Variants in VPS13B observed in about 807,000 individuals in gnomAD.
The protein encoded by VPS13B is intermembrane lipid transfer protein VPS13B.
VPS13B carries 285 observed loss-of-function variants against 426.4 expected under a neutral mutation model. The observed-to-expected ratio is 0.67, with a 90% CI of 0.61 to 0.74. The LOEUF (loss-of-function observed/expected upper bound fraction) is 0.74, where lower values mean the gene tolerates loss of function less well. VPS13B is among the 30% of genes least tolerant of loss of function. The probability of loss-of-function intolerance (pLI) is 0.00; values close to 1 mark genes in which losing one functional copy is unlikely to be tolerated. For synonymous variants in VPS13B, 1,676 were observed against 1,676.4 expected (o/e 1.00, Z 0.01); for missense variants, 4,537 against 4,782.6 (o/e 0.95, Z 1.51).
intron 39 of VPS13B, among the ~76,000 whole-genome samples, chr8:99,751,425 T>C (rs1485621890): frequency 1.3e-5 from 2 of 152,162 alleles, no homozygotes; most frequent in Admixed American, 6.6e-5. Flanking sequence ...AAGTATGGAA[T>C]GAGTACATTG....
At chr8:99,561,999 A>G (rs1050551687) in intron 31 of VPS13B, among the ~76,000 whole-genome samples, 2 of 152,144 alleles carry the variant, frequency 1.3e-5, no homozygotes, top group African/African-American at 4.8e-5. Flanking sequence ...ACTCTTTTCA[A>G]CCATAAAATG....
At chr8:99,378,756 T>G (rs1407763192) in intron 19 of VPS13B, among the ~76,000 whole-genome samples, 1 of 152,226 alleles carries the variant, frequency 6.6e-6, no homozygotes, top group Non-Finnish European at 1.5e-5. Flanking sequence ...TTTTGTTCAT[T>G]AATATTTTTG....
At position 99,819,601 on chromosome 8, in the gene VPS13B, C is replaced by CT. The variant is rs1408498101; in HGVS notation, c.8792+24dup. On this transcript the variant is annotated intron_variant, in intron 48 of 61. Transcript: ENST00000357162. ...CTGACAGGTAATATTCTTCAGTGAT[C>CT]TTTTTCTACAAAAATTTCTCAACAT... 2 of 1,611,240 alleles carry CT rather than the reference C, an allele frequency of 1.2e-6. No individual in the cohort carries two copies. Among genetic ancestry groups the CT allele is most frequent in the Admixed American group, 3.4e-5 (2 of 59,576 alleles).
intron 15 of VPS13B, among the ~76,000 whole-genome samples, chr8:99,167,485 A>G (rs1045668839): frequency 1.3e-5 from 2 of 152,138 alleles, no homozygotes; most frequent in South Asian, 2.1e-4. Flanking sequence ...TGTATATCAT[A>G]ATTATAATGT....
intron 29 of VPS13B, among the ~76,000 whole-genome samples, chr8:99,517,164 AC>A (rs1822126414): frequency 1.3e-5 from 2 of 152,230 alleles, no homozygotes; most frequent in African/African-American, 2.4e-5. Context: ...CAGATGTTTT[AC>A]TAAATTGAGT....
chr8:99,393,871 A>G (rs1478742080), intron 21 of VPS13B, among the ~76,000 whole-genome samples: 1 of 152,142 alleles, frequency 6.6e-6, no homozygotes, highest in East Asian at 1.9e-4. Context: ...TTTTTAATTA[A>G]AGGATACAGT....
At chr8:99,340,531 A>AG in intron 19 of VPS13B, 1 of 473,096 alleles carries the variant, frequency 2.1e-6, no homozygotes, top group South Asian at 1.7e-5. Context: ...ATAAATGTGA[A>AG]GGGGGTGGAG....
chr8:99,349,460 T>C (rs1811749036), intron 19 of VPS13B, among the ~76,000 whole-genome samples: 1 of 151,150 alleles, frequency 6.6e-6, no homozygotes, highest in Non-Finnish European at 1.5e-5. Flanking sequence ...AAATCTAGAA[T>C]CCATAATGGA....
chr8:99,471,366 G>T (rs1360315798), intron 24 of VPS13B, among the ~76,000 whole-genome samples: 2 of 152,066 alleles, frequency 1.3e-5, no homozygotes, highest in Non-Finnish European at 2.9e-5. Flanking sequence ...TAGCATTAAG[G>T]CTAGTGGAAG....
intron 7 of VPS13B, among the ~76,000 whole-genome samples, chr8:99,118,007 G>A (rs192560421): frequency 1.6e-4 from 25 of 152,142 alleles, no homozygotes; most frequent in Admixed American, 1.2e-3. Context: ...AGAGTATGTA[G>A]ATATAAAACA....
At chr8:99,124,692 C>T (rs1375538896) in intron 8 of VPS13B, among the ~76,000 whole-genome samples, 1 of 151,972 alleles carries the variant, frequency 6.6e-6, no homozygotes, top group Non-Finnish European at 1.5e-5. Flanking sequence ...TGAGACCAGC[C>T]TGGCCAACAT....
intron 8 of VPS13B, among the ~76,000 whole-genome samples, chr8:99,125,386 C>T (rs1848146441): frequency 6.6e-6 from 1 of 152,218 alleles, no homozygotes; most frequent in South Asian, 2.1e-4. Flanking sequence ...TTTATCCTAG[C>T]TGTGCTAGCA....
chr8:99,484,054 T>G (rs1180196033), intron 25 of VPS13B, among the ~76,000 whole-genome samples: 1 of 152,052 alleles, frequency 6.6e-6, no homozygotes, highest in Non-Finnish European at 1.5e-5. Context: ...AAATAATATT[T>G]GAGATGATGG....
intron 33 of VPS13B, among the ~76,000 whole-genome samples, chr8:99,590,533 GT>G (rs1463362822): frequency 6.6e-6 from 1 of 152,162 alleles, no homozygotes; most frequent in Non-Finnish European, 1.5e-5. Flanking sequence ...CTGGTACATT[GT>G]GTCTTTGTTC....
In VPS13B at chr8:99,859,401, G is replaced by T; in HGVS notation, c.10965G>T (p.Glu3655Asp). ...GVADFFRLPY[E>D]GLTRGPGAFV... ...CCGACTTCTTCAGGCTTCCGTATGA[G>T]GGGCTGACCCGGGGCCCTGGAGCCT... is the stretch of plus-strand genomic sequence containing the variant. Residue 3655 changes from glutamate (E) to aspartate (D), a missense_variant, in exon 57 of 62, where the codon GAG becomes GAT. Physicochemically the swap from Glu to Asp is conservative, Grantham distance 45. Coordinates refer to ENST00000357162, the MANE Select transcript of VPS13B (RefSeq NM_152564.5). The T allele has an allele frequency of 6.2e-7, 1 of 1,614,196 alleles. No homozygotes were observed. The highest frequency in any genetic ancestry group is 8.5e-7 in the Non-Finnish European group (1 of 1,180,050).
rs181561428 is a variant in VPS13B at position 99,380,342 on chromosome 8, A to G, written c.2825-3866A>G. ...TTTGCAATCTATGAAAGTAAGAAAT[A>G]TATGTTAAATTGTATATTATATATT... On this transcript the variant is annotated intron_variant, in intron 19 of 61. Coordinates refer to ENST00000357162, the MANE Select transcript of VPS13B (RefSeq NM_152564.5). Among the ~76,000 whole-genome samples the G allele has an allele frequency of 5.8e-4, 89 of 152,294 alleles. 1 individual carries two copies. In the East Asian group the frequency reaches 0.013, roughly 22 times the overall value.
chr8:99,047,876 C>A (rs1002136551), intron 3 of VPS13B, among the ~76,000 whole-genome samples: 2 of 151,874 alleles, frequency 1.3e-5, no homozygotes, highest in South Asian at 2.1e-4. Flanking sequence ...TTAGTAGAGA[C>A]GTGGTTTCAT....
Position 99,088,110 on chromosome 8 carries a change from C to A in VPS13B, c.292-8202C>A, listed in dbSNP as rs914478007. On this transcript the variant is annotated intron_variant, in intron 3 of 61. Transcript: ENST00000357162. Reference sequence around the variant, plus strand: ...GAGGCAGGAGAATTGCTTGAACCCCCGAGGCAGAGGTTGCAGTGAGCCGAG... The same window carrying A: ...GAGGCAGGAGAATTGCTTGAACCCCAGAGGCAGAGGTTGCAGTGAGCCGAG... Among the ~76,000 whole-genome samples the A allele has an allele frequency of 1.5e-4, 23 of 149,550 alleles. No individual in the cohort carries two copies. In the Admixed American group the frequency reaches 1.6e-3, roughly 10 times the overall value.
chr8:99,876,019 C>CACAGGGCCCTATATG lies in VPS13B; in HGVS notation c.*353_*354insACAGGGCCCTATATG, dbSNP rs1817684160. On this transcript the variant is annotated 3_prime_UTR_variant, in exon 62 of 62. Coordinates refer to ENST00000357162, the MANE Select transcript of VPS13B (RefSeq NM_152564.5). ...AATGATTAACAGGGCCCTATATGTT[C>CACAGGGCCCTATATG]TTACCACATACAGAGGATGCATTTA... is the stretch of plus-strand genomic sequence containing the variant. The CACAGGGCCCTATATG allele has an allele frequency of 6.4e-6, 2 of 313,806 alleles. No individual in the cohort carries two copies. The highest frequency in any genetic ancestry group is 3.4e-5 in the South Asian group (1 of 29,350). The allele number at this position is 313,806 out of a possible 1,614,324, so 19.4% of individuals were successfully genotyped here. A position where few individuals can be genotyped will look rare whatever the true frequency, so the allele number is the denominator to read the frequency against.
Sources: allele counts gnomAD v4.1 joint callset (sites outside exome capture counted in the v4.1 genomes callset), GRCh38; gene constraint gnomAD v4.1.1; transcripts MANE v1.5; gene names NCBI Gene and HGNC (gene_info 2026-07-23, HGNC 2026-07-21).